Variants in RIPK1 observed in about 807,000 individuals in gnomAD.
The protein encoded by RIPK1 is receptor interacting serine/threonine kinase 1.
RIPK1 carries 27 observed loss-of-function variants against 62.4 expected under a neutral mutation model. The ratio of observed to expected loss-of-function variants is 0.43; its 90% CI spans 0.32 to 0.60. RIPK1 has a LOEUF of 0.60. Among genes scored for constraint, RIPK1 ranks in the 20% least tolerant of loss-of-function variants. The pLI is 0.07. For missense variants in RIPK1, 735 were observed against 831.0 expected (o/e 0.88, Z 1.42); for synonymous variants, 287 against 303.2 (o/e 0.95, Z 0.55).
At position 3,076,892 on chromosome 6, in the gene RIPK1, G is replaced by A; in HGVS notation, c.69G>A (p.Leu23=). 4 of 1,610,902 alleles carry A rather than the reference G, an allele frequency of 2.5e-6. No individual in the cohort carries two copies. Among genetic ancestry groups the A allele is most frequent in the Non-Finnish European group, 3.4e-6 (4 of 1,177,596 alleles). Reference sequence around the variant, plus strand: ...GTGACTTCCTGGAGAGTGCAGAACTGGACAGCGGAGGCTTTGGGAAGGTGT... The same window carrying A: ...GTGACTTCCTGGAGAGTGCAGAACTAGACAGCGGAGGCTTTGGGAAGGTGT... ...KSSDFLESAE[L]DSGGFGKVSL... Residue 23 remains leucine, a synonymous_variant, in exon 2 of 11, where the codon CTG becomes CTA. Transcript: ENST00000259808.
chr6:3,105,432 C>G lies in RIPK1; in HGVS notation c.1007-50C>G. ...ATGACGGCGCTCAGATTTTATTTTACTTTTTAATGTTTCATGACACCCATT... is the reference window on the plus strand; with the variant it reads ...ATGACGGCGCTCAGATTTTATTTTAGTTTTTAATGTTTCATGACACCCATT... On this transcript the variant is annotated intron_variant, in intron 8 of 10. Transcript: ENST00000259808. The surrounding 1 kb of genome is among the most constrained non-coding windows in gnomAD (Gnocchi z 4.5). The G allele has an allele frequency of 7.2e-7, 1 of 1,384,264 alleles. No individual in the cohort carries two copies. The highest frequency in any genetic ancestry group is 9.8e-7 in the Non-Finnish European group (1 of 1,016,624). The allele number at this position is 1,384,264 out of a possible 1,614,324, so 85.7% of individuals were successfully genotyped here. A position where few individuals can be genotyped will look rare whatever the true frequency, so the allele number is the denominator to read the frequency against.
chr6:3,078,743 A>C (rs900799256), intron 3 of RIPK1, among the ~76,000 whole-genome samples: 1 of 152,264 alleles, frequency 6.6e-6, no homozygotes, highest in Non-Finnish European at 1.5e-5. Context: ...TTTAAAACAA[A>C]AATAAAAATT....
intron 6 of RIPK1, among the ~76,000 whole-genome samples, chr6:3,086,058 C>T (rs1193581651): frequency 1.3e-5 from 2 of 152,094 alleles, no homozygotes; most frequent in Non-Finnish European, 2.9e-5. Context: ...TCCATCCCCT[C>T]CCTTGTTTAG....
At chr6:3,098,860 C>A (rs7763416) in intron 7 of RIPK1, among the ~76,000 whole-genome samples, 4 of 152,118 alleles carry the variant, frequency 2.6e-5, no homozygotes, top group African/African-American at 9.7e-5. Context: ...CTCTGGCAGC[C>A]GGGAGCACTG....
chr6:3,082,968 C>T, intron 4 of RIPK1, 117 bp from the exon 5 acceptor site: 1 of 944,174 alleles, frequency 1.1e-6, no homozygotes. Flanking sequence ...CCAGTGCAAC[C>T]ATTTCTGGAA....
At chr6:3,109,315 C>A (rs746674533) in intron 9 of RIPK1, among the ~76,000 whole-genome samples, 2 of 152,020 alleles carry the variant, frequency 1.3e-5, no homozygotes, top group African/African-American at 4.8e-5. Flanking sequence ...CAGGGAGAAG[C>A]ACGTGGGGAG....
At position 3,085,377 on chromosome 6, in the gene RIPK1, A is replaced by G. The variant is rs1210289368; in HGVS notation, c.807A>G (p.Glu269=). 1 of 1,614,224 alleles carries G rather than the reference A, an allele frequency of 6.2e-7. No homozygotes were observed. Among genetic ancestry groups the G allele is most frequent in the East Asian group, 2.2e-5 (1 of 44,888 alleles). The change falls in exon 6 of 11, where the codon GAA becomes GAG. Residue 269 remains glutamate (E), a synonymous_variant. Coordinates refer to ENST00000259808, the MANE Select transcript of RIPK1 (RefSeq NM_001354930.2). ...EIISLMKLCW[E]ANPEARPTFP... is the part of the protein sequence containing the mutation. ...TCAGTCTCATGAAGCTCTGCTGGGA[A>G]GCGAATCCGGAAGCTCGGCCGACAT...
intron 4 of RIPK1, 151 bp from the exon 5 acceptor site, chr6:3,082,934 G>A: frequency 2.9e-6 from 2 of 688,704 alleles, no homozygotes; most frequent in Non-Finnish European, 5.1e-6. Flanking sequence ...TGAGTCTGTT[G>A]AGAAGTCGCT....
In RIPK1 at chr6:3,083,087, C is replaced by G. The variant is rs768727316; in HGVS notation, c.462C>G (p.Ile154Met). ...CAGTGGCTCAATGTCTTTCGCAGAT[C>G]GCAGACCTCGGCCTTGCCTCCTTTA... is the stretch of plus-strand genomic sequence containing the variant. ...ILVDNDFHIK[I>M]ADLGLASFKM... The change falls in exon 5 of 11, where the codon ATC (isoleucine) becomes ATG (methionine). Residue 154 changes from isoleucine to methionine, a missense_variant and splice_region_variant. By Grantham distance (10) the Ile-to-Met change is conservative. Coordinates refer to ENST00000259808, the MANE Select transcript of RIPK1 (RefSeq NM_001354930.2). 7.4e-6 allele frequency: 12 copies of G among 1,613,728 alleles called. No homozygotes were observed. The highest frequency in any genetic ancestry group is 1.0e-5 in the Non-Finnish European group (12 of 1,179,778).
chr6:3,068,309 G>A (rs964178525), upstream of RIPK1: 7 of 985,380 alleles, frequency 7.1e-6, no homozygotes, highest in Non-Finnish European at 8.4e-6. Flanking sequence ...TGCGCGCGGA[G>A]GTTTCGGTTT....
At chr6:3,077,031 T>G (rs768370787) in intron 2 of RIPK1, 44 bp downstream of exon 2, 1 of 1,532,788 alleles carries the variant, frequency 6.5e-7, no homozygotes, top group South Asian at 1.2e-5. Context: ...CTGAGCGGGA[T>G]GGGGACGTTG....
chr6:3,070,547 C>T (rs990864886), intron 1 of RIPK1, among the ~76,000 whole-genome samples: 1 of 152,182 alleles, frequency 6.6e-6, no homozygotes, highest in Non-Finnish European at 1.5e-5. Context: ...AAGCAGTTCT[C>T]CTGCCTCAGC....
At chr6:3,085,929 T>C (rs1759665907) in intron 6 of RIPK1, among the ~76,000 whole-genome samples, 1 of 152,266 alleles carries the variant, frequency 6.6e-6, no homozygotes, top group Non-Finnish European at 1.5e-5. Flanking sequence ...ATTTCTTTCC[T>C]TTTCAAGGCT....
intron 7 of RIPK1, among the ~76,000 whole-genome samples, chr6:3,100,425 A>AAT (rs1359101604): frequency 1.3e-5 from 2 of 151,956 alleles, no homozygotes; most frequent in East Asian, 1.9e-4. Flanking sequence ...CTGTGTCTCA[A>AAT]ATATATATAT....
At chr6:3,087,804 G>GC (rs17548196) in intron 6 of RIPK1, among the ~76,000 whole-genome samples, 128,262 of 151,872 alleles carry the variant, frequency 0.84, 55,867 homozygotes, top group Non-Finnish European at 0.96. Context: ...CTCCCAAAGT[G>GC]TGGGATTACA....
At chr6:3,103,527 CCTGA>C (rs1196232115) in intron 7 of RIPK1, among the ~76,000 whole-genome samples, 114 of 152,260 alleles carry the variant, frequency 7.5e-4, no homozygotes, top group African/African-American at 2.7e-3. Context: ...GTCTCGAACT[CCTGA>C]CCTCATGGGA....
Position 3,083,160 on chromosome 6 carries a change from G to C in RIPK1, c.535G>C (p.Val179Leu). The change falls in exon 5 of 11, where the codon GTG becomes CTG. Residue 179 changes from valine to leucine, a missense_variant. This residue lies in a region of RIPK1 where 671 missense variants were observed against 726.2 expected (regional missense o/e 0.92). Transcript: ENST00000259808. ...TGAAGAGCACAATGAGCTGAGGGAA[G>C]TGGACGGCACCGCTAAGAAGAATGG... ...NNEEHNELRE[V>L]DGTAKKNGGT... 1 of 1,614,056 alleles carries C rather than the reference G, an allele frequency of 6.2e-7. No homozygotes were observed. The highest frequency in any genetic ancestry group is 8.5e-7 in the Non-Finnish European group (1 of 1,179,972).
intron 9 of RIPK1, among the ~76,000 whole-genome samples, chr6:3,106,343 A>G (rs113336136): frequency 6.6e-6 from 1 of 152,180 alleles, no homozygotes; most frequent in Non-Finnish European, 1.5e-5. Context: ...ATTTCACCCA[A>G]TCTCTGATAA....
intron 9 of RIPK1, among the ~76,000 whole-genome samples, chr6:3,108,706 A>G (rs890702493): frequency 6.6e-6 from 1 of 152,198 alleles, no homozygotes; most frequent in African/African-American, 2.4e-5. Flanking sequence ...GAGCACTGGA[A>G]GGCACCTCAG....
Sources: gnomAD v4.1 joint callset for allele counts (sites outside exome capture counted in the v4.1 genomes callset) on GRCh38, gnomAD v4.1.1 for gene constraint, gnomAD v4.1.1 regional missense constraint, Gnocchi (gnomAD v3.1) non-coding constraint, MANE v1.5 for transcripts, NCBI Gene and HGNC (gene_info 2026-07-23, HGNC 2026-07-21) for gene names.